Variants in DCAF8L2 observed in about 807,000 individuals in gnomAD.
The protein encoded by DCAF8L2 is DDB1- and CUL4-associated factor 8-like protein 2.
For synonymous variants in DCAF8L2, 200 were observed against 190.9 expected (o/e 1.05, Z -0.39); for missense variants, 430 against 490.7 (o/e 0.88, Z 1.17).
the DCAF8L2 span, among the ~76,000 whole-genome samples, chrX:27,560,797 C>A: frequency 8.9e-6 from 1 of 111,933 alleles, no homozygotes; most frequent in African/African-American, 3.3e-5. Context: ...GATGCCATGG[C>A]CTTGTTCCAG....
At chrX:27,486,874 T>C in the DCAF8L2 span, among the ~76,000 whole-genome samples, 3 of 111,952 alleles carry the variant, frequency 2.7e-5, no homozygotes, top group African/African-American at 6.5e-5. Flanking sequence ...TGTAGAATTA[T>C]ACTAAATTTT....
chrX:27,658,316 T>C (rs1364093470), intron 2 of DCAF8L2, among the ~76,000 whole-genome samples: 1 of 112,056 alleles, frequency 8.9e-6, no homozygotes, highest in African/African-American at 3.2e-5. Context: ...GGTACTGATA[T>C]CAATTTAATC....
chrX:27,748,036 C>G lies in DCAF8L2; in HGVS notation c.1141C>G (p.Gln381Glu). The change falls in exon 5 of 5, where the codon CAA becomes GAA. Residue 381 changes from glutamine (Q) to glutamate (E), a missense_variant. Physicochemically the swap from Gln to Glu is conservative, Grantham distance 29 (BLOSUM62 2). Coordinates refer to ENST00000451261, the MANE Select transcript of DCAF8L2 (RefSeq NM_001353450.2). ...TITVNPANTY[Q>E]FAVGGQDQFV... Reference sequence around the variant, plus strand: ...TACTGTGAATCCCGCCAATACCTACCAATTTGCAGTGGGTGGACAAGATCA... The same window carrying G: ...TACTGTGAATCCCGCCAATACCTACGAATTTGCAGTGGGTGGACAAGATCA... 1.7e-6 allele frequency: 2 copies of G among 1,211,767 alleles called. No homozygotes were observed. The highest frequency in any genetic ancestry group is 2.2e-6 in the Non-Finnish European group (2 of 895,396).
At chrX:27,661,941 A>G (rs907363082) in intron 2 of DCAF8L2, among the ~76,000 whole-genome samples, 6 of 111,932 alleles carry the variant, frequency 5.4e-5, no homozygotes, top group Non-Finnish European at 9.4e-5. Flanking sequence ...ACTGAAATAA[A>G]CTTAGTGTTT....
the DCAF8L2 span, among the ~76,000 whole-genome samples, chrX:27,508,364 A>T: frequency 9.0e-6 from 1 of 111,146 alleles, no homozygotes; most frequent in Admixed American, 9.7e-5. Flanking sequence ...ATGAAGTAGA[A>T]GTTCAGTGAA....
At chrX:27,492,790 A>G in the DCAF8L2 span, among the ~76,000 whole-genome samples, 1 of 112,443 alleles carries the variant, frequency 8.9e-6, no homozygotes, top group East Asian at 2.8e-4. Flanking sequence ...TCCATGTTTT[A>G]TATGTTAAGA....
At chrX:27,526,859 T>A in the DCAF8L2 span, among the ~76,000 whole-genome samples, 1 of 112,365 alleles carries the variant, frequency 8.9e-6, no homozygotes, top group African/African-American at 3.2e-5. Flanking sequence ...GAACAGCAAA[T>A]GTTGCTGTTT....
intron 4 of DCAF8L2, among the ~76,000 whole-genome samples, chrX:27,731,178 T>C (rs763907409): frequency 5.0e-4 from 55 of 109,487 alleles, no homozygotes; most frequent in Non-Finnish European, 9.7e-4. Flanking sequence ...AGGTCAAGAC[T>C]CCTGAGGTGT....
At chrX:27,655,477 C>T (rs978001035) in intron 2 of DCAF8L2, among the ~76,000 whole-genome samples, 2 of 112,201 alleles carry the variant, frequency 1.8e-5, no homozygotes, top group African/African-American at 6.5e-5. Context: ...CCAAGACTGG[C>T]ACTGATGCTG....
At chrX:27,663,251 A>G (rs1020562076) in intron 2 of DCAF8L2, among the ~76,000 whole-genome samples, 3 of 112,328 alleles carry the variant, frequency 2.7e-5, no homozygotes, top group African/African-American at 9.7e-5. Flanking sequence ...CTCTGTATAT[A>G]GACATAACTC....
chrX:27,479,815 T>C, the DCAF8L2 span, among the ~76,000 whole-genome samples: 2 of 112,207 alleles, frequency 1.8e-5, no homozygotes, highest in African/African-American at 6.5e-5. Flanking sequence ...CCCCTTTCAC[T>C]ATACGACAGC....
chrX:27,665,771 A>G (rs923022692), intron 2 of DCAF8L2, among the ~76,000 whole-genome samples: 9 of 112,041 alleles, frequency 8.0e-5, no homozygotes, highest in African/African-American at 2.9e-4. Flanking sequence ...CAGCAAAAAG[A>G]TCATGACTCG....
At chrX:27,491,177 T>C in the DCAF8L2 span, among the ~76,000 whole-genome samples, 1 of 112,914 alleles carries the variant, frequency 8.9e-6, no homozygotes, top group Non-Finnish European at 1.9e-5. Context: ...CATTTTACTT[T>C]TGATTTGTAC....
At chrX:27,570,166 C>T in the DCAF8L2 span, among the ~76,000 whole-genome samples, 2 of 110,925 alleles carry the variant, frequency 1.8e-5, no homozygotes, top group African/African-American at 6.5e-5. Context: ...GGGAAGGGAA[C>T]ATCTGCTTTG....
At chrX:27,601,556 C>T (rs888400439) in intron 1 of DCAF8L2, among the ~76,000 whole-genome samples, 3 of 110,731 alleles carry the variant, frequency 2.7e-5, no homozygotes, top group South Asian at 3.8e-4. Flanking sequence ...AGAAGTTAGC[C>T]GAACATGGTG....
At chrX:27,558,511 T>G in the DCAF8L2 span, among the ~76,000 whole-genome samples, 3 of 111,791 alleles carry the variant, frequency 2.7e-5, no homozygotes, top group African/African-American at 9.7e-5. Context: ...AGTTTCCAGA[T>G]AGTTTGTTTA....
At chrX:27,560,554 C>G in the DCAF8L2 span, among the ~76,000 whole-genome samples, 1 of 111,790 alleles carries the variant, frequency 8.9e-6, no homozygotes. Flanking sequence ...ATGCAGCTTA[C>G]TTGTGGCTAC....
chrX:27,561,571 C>A, the DCAF8L2 span, among the ~76,000 whole-genome samples: 3 of 111,057 alleles, frequency 2.7e-5, no homozygotes, highest in African/African-American at 9.8e-5. Flanking sequence ...GAAAGAAACC[C>A]ATACCCATTA....
intron 3 of DCAF8L2, among the ~76,000 whole-genome samples, chrX:27,713,900 T>G (rs940636079): frequency 9.0e-6 from 1 of 111,182 alleles, no homozygotes; most frequent in African/African-American, 3.3e-5. Context: ...AATTCTTGAG[T>G]AGGCAAGCCT....
Sources: gnomAD v4.1 joint callset for allele counts (sites outside exome capture counted in the v4.1 genomes callset) on GRCh38, gnomAD v4.1.1 for gene constraint, MANE v1.5 for transcripts, NCBI Gene and HGNC (gene_info 2026-07-23, HGNC 2026-07-21) for gene names.